TMC1: variants seen among roughly 807,000 people sequenced by gnomAD.
TMC1 encodes transmembrane channel-like protein 1.
TMC1 carries 84 observed loss-of-function variants against 105.8 expected under a neutral mutation model. That is an observed-to-expected ratio of 0.79 (90% CI 0.67 to 0.95). The LOEUF (loss-of-function observed/expected upper bound fraction) is 0.95. Among genes scored for constraint, TMC1 ranks in the 40% least tolerant of loss-of-function variants. The pLI, the probability that TMC1 is intolerant of heterozygous loss-of-function variation, is 0.00. For missense variants in TMC1, 817 were observed against 914.1 expected (o/e 0.89, Z 1.37); for synonymous variants, 315 against 311.5 (o/e 1.01, Z -0.12).
chr9:72,605,778 G>T (rs1226068459), intron 2 of TMC1, among the ~76,000 whole-genome samples: 1 of 151,894 alleles, frequency 6.6e-6, no homozygotes, highest in Non-Finnish European at 1.5e-5. Flanking sequence ...GTTTTGTCAT[G>T]TTGCCCAGGC....
In TMC1 at chr9:72,691,052, A is replaced by G. The variant is rs113004462; in HGVS notation, c.64+2296A>G. On this transcript the variant is annotated intron_variant, in intron 6 of 23. Coordinates refer to ENST00000297784, the MANE Select transcript of TMC1 (RefSeq NM_138691.3). ...TTCTAACTATAATTTCAAACATCCT[A>G]TTTTTCAATTTGGTAATTCTTTCTT... Among the ~76,000 whole-genome samples the G allele has an allele frequency of 6.2e-3, 943 of 151,572 alleles. 7 individuals carry two copies. The highest frequency in any genetic ancestry group is 0.022 in the African/African-American group (904 of 41,312).
At chr9:72,661,653 T>C (rs555134695) in intron 5 of TMC1, among the ~76,000 whole-genome samples, 1 of 152,238 alleles carries the variant, frequency 6.6e-6, no homozygotes, top group Non-Finnish European at 1.5e-5. Context: ...ATATTATTTA[T>C]GTTCCTTATA....
intron 21 of TMC1, 112 bp from the exon 22 acceptor site, chr9:72,830,339 C>A: frequency 1.3e-6 from 1 of 789,296 alleles, no homozygotes; most frequent in Non-Finnish European, 2.2e-6. Context: ...TAGAAGATAG[C>A]TTAATGTTCA....
chr9:72,792,109 C>T (rs1564557367), intron 16 of TMC1, 44 bp downstream of exon 16: 1 of 1,613,248 alleles, frequency 6.2e-7, no homozygotes. Context: ...GAGTGTTGTT[C>T]AATTCCCAGT....
At chr9:72,724,584 G>T (rs575534880) in intron 8 of TMC1, among the ~76,000 whole-genome samples, 1 of 152,150 alleles carries the variant, frequency 6.6e-6, no homozygotes, top group East Asian at 1.9e-4. Context: ...AGTATAAAAT[G>T]ATAATAATAA....
chr9:72,587,854 C>T (rs373121679), intron 2 of TMC1, among the ~76,000 whole-genome samples: 4 of 151,102 alleles, frequency 2.6e-5, no homozygotes, highest in Non-Finnish European at 5.9e-5. Context: ...GGCGCCATCT[C>T]GGCTCACTGC....
intron 5 of TMC1, 51 bp downstream of exon 5, chr9:72,648,715 T>C (rs374471323): frequency 8.6e-6 from 13 of 1,514,962 alleles, no homozygotes; most frequent in Middle Eastern, 1.7e-4. Context: ...TTCTGAGAGG[T>C]ATAAAGGTAT....
chr9:72,636,724 A>AAAAAAAAAAAAAC (rs1825540391), intron 4 of TMC1, among the ~76,000 whole-genome samples: 1 of 150,986 alleles, frequency 6.6e-6, no homozygotes, highest in Non-Finnish European at 1.5e-5. Flanking sequence ...AAAAAAAAAA[A>AAAAAAAAAAAAAC]GGATTCAGCA....
At chr9:72,661,667 CT>C (rs1825971421) in intron 5 of TMC1, among the ~76,000 whole-genome samples, 2 of 152,140 alleles carry the variant, frequency 1.3e-5, no homozygotes, top group African/African-American at 4.8e-5. Flanking sequence ...CCTTATATGA[CT>C]ACTGACCACT....
At chr9:72,658,572 CAT>C (rs974830788) in intron 5 of TMC1, among the ~76,000 whole-genome samples, 1 of 152,132 alleles carries the variant, frequency 6.6e-6, no homozygotes, top group African/African-American at 2.4e-5. Flanking sequence ...ACGTGTATAA[CAT>C]GTAGTACCTA....
chr9:72,652,507 C>G (rs1028087816), intron 5 of TMC1, among the ~76,000 whole-genome samples: 1 of 151,916 alleles, frequency 6.6e-6, no homozygotes, highest in Non-Finnish European at 1.5e-5. Context: ...GATGGGCCAG[C>G]GAGATGAGAG....
chr9:72,676,425 TA>T (rs1290893288), intron 5 of TMC1, among the ~76,000 whole-genome samples: 1 of 152,184 alleles, frequency 6.6e-6, no homozygotes, highest in Non-Finnish European at 1.5e-5. Context: ...TGTAGACTAT[TA>T]AAACCTTTGT....
intron 13 of TMC1, among the ~76,000 whole-genome samples, chr9:72,787,642 CAT>C (rs141473671): frequency 0.015 from 2,220 of 147,862 alleles, 35 homozygotes; most frequent in African/African-American, 0.049. Context: ...CATGCAAATA[CAT>C]ATATATATAT....
At chr9:72,632,382 G>A (rs111512124) in intron 4 of TMC1, among the ~76,000 whole-genome samples, 3 of 152,250 alleles carry the variant, frequency 2.0e-5, no homozygotes, top group Middle Eastern at 3.4e-3. Context: ...ATAAGACTTG[G>A]AGAGGACAGA....
In TMC1 at chr9:72,593,930, A is replaced by G. The variant is rs142019349; in HGVS notation, c.-306+15907A>G. Among the ~76,000 whole-genome samples, 428 of 152,202 alleles carry G rather than the reference A, an allele frequency of 2.8e-3. 1 individual carries two copies. The highest frequency in any genetic ancestry group is 1.0e-2 in the African/African-American group (415 of 41,538). ...AAGGGCCCCCTTCTCCTGCCCAGGCATGGTGTTACTAATATGGCGATGGTA... is the reference window on the plus strand; with the variant it reads ...AAGGGCCCCCTTCTCCTGCCCAGGCGTGGTGTTACTAATATGGCGATGGTA... On this transcript the variant is annotated intron_variant, in intron 2 of 23. Transcript: ENST00000297784.
chr9:72,555,193 GTTTT>G (rs35020451), intron 1 of TMC1, among the ~76,000 whole-genome samples: 66,323 of 130,536 alleles, frequency 0.51, 16,046 homozygotes, highest in African/African-American at 0.65. Flanking sequence ...TTTTGATTCT[GTTTT>G]TTTTTTTTTT....
intron 5 of TMC1, among the ~76,000 whole-genome samples, chr9:72,657,957 T>C (rs901993265): frequency 2.0e-5 from 3 of 152,192 alleles, no homozygotes; most frequent in African/African-American, 7.2e-5. Flanking sequence ...TATATGAGAA[T>C]TCTTCCTTCT....
At chr9:72,684,113 C>T (rs369360352) in intron 5 of TMC1, among the ~76,000 whole-genome samples, 3 of 152,024 alleles carry the variant, frequency 2.0e-5, no homozygotes, top group Admixed American at 6.6e-5. Context: ...TAATCTAATT[C>T]GTGTTGTTTT....
chr9:72,654,487 T>C lies in TMC1; in HGVS notation c.16+5823T>C, dbSNP rs550832629. ...CCATTTTCACTATTGGTATATTATC[T>C]ATAAATTCTTTGTTGTTGTTCCATT... On this transcript the variant is annotated intron_variant, in intron 5 of 23. Transcript: ENST00000297784. Among the ~76,000 whole-genome samples, 20 of 152,244 alleles carry C rather than the reference T, an allele frequency of 1.3e-4. No individual in the cohort carries two copies. In the East Asian group the frequency reaches 3.7e-3, roughly 28 times the overall value.
Sources: gnomAD v4.1 joint callset for allele counts (sites outside exome capture counted in the v4.1 genomes callset) on GRCh38, gnomAD v4.1.1 for gene constraint, MANE v1.5 for transcripts, NCBI Gene and HGNC (gene_info 2026-07-23, HGNC 2026-07-21) for gene names.